MINDY2: variants seen among roughly 807,000 people sequenced by gnomAD.
MINDY2 encodes the protein MINDY lysine 48 deubiquitinase 2.
Under a neutral mutation model 68.2 loss-of-function variants are expected in MINDY2, and 52 were observed. The observed-to-expected ratio is 0.76, with a 90% CI of 0.61 to 0.96. The LOEUF (loss-of-function observed/expected upper bound fraction) is 0.96. Among genes scored for constraint, MINDY2 ranks in the 40% least tolerant of loss-of-function variants. The pLI is 0.00. For synonymous variants in MINDY2, 372 were observed against 303.0 expected (o/e 1.23, Z -2.36); for missense variants, 881 against 773.4 (o/e 1.14, Z -1.65).
In MINDY2 at chr15:58,833,053, A is replaced by C. The variant is rs572783567; in HGVS notation, c.1368+1137A>C. Among the ~76,000 whole-genome samples the C allele has an allele frequency of 2.0e-5, 3 of 152,042 alleles. No individual in the cohort carries two copies. The East Asian group carries it at 5.8e-4, about 29-fold the overall frequency. On this transcript the variant is annotated intron_variant, in intron 6 of 8. Transcript: ENST00000559228. ...CTCTGTCAAAAACATTTACTGTTTT[A>C]CTCTTTTTATCTCTTATAGCCATTC... is the stretch of plus-strand genomic sequence containing the variant.
chr15:58,777,274 G>C (rs759328410), intron 1 of MINDY2, among the ~76,000 whole-genome samples: 6 of 152,190 alleles, frequency 3.9e-5, no homozygotes, highest in Non-Finnish European at 7.4e-5. Context: ...TATAGGGGCA[G>C]AGAATTAGAG....
At chr15:58,807,119 G>A (rs1208785264) in intron 3 of MINDY2, among the ~76,000 whole-genome samples, 2 of 152,048 alleles carry the variant, frequency 1.3e-5, no homozygotes, top group African/African-American at 4.8e-5. Flanking sequence ...TAGTTTTAAT[G>A]TAAGATTTCC....
At chr15:58,798,581 A>G (rs982937424) in intron 2 of MINDY2, among the ~76,000 whole-genome samples, 14 of 149,828 alleles carry the variant, frequency 9.3e-5, no homozygotes, top group Non-Finnish European at 2.1e-4. Context: ...TCAGACTCCC[A>G]AGTAGCTGGG....
At chr15:58,810,863 T>C (rs1364564732) in intron 4 of MINDY2, among the ~76,000 whole-genome samples, 2 of 152,206 alleles carry the variant, frequency 1.3e-5, no homozygotes, top group Non-Finnish European at 2.9e-5. Context: ...CATCATACCC[T>C]CCTGGAACTG....
intron 2 of MINDY2, chr15:58,796,253 T>C (rs1227007946): frequency 1.3e-5 from 5 of 395,480 alleles, no homozygotes; most frequent in African/African-American, 4.1e-5. Flanking sequence ...TTGTAAAGAA[T>C]AGGAAAGGTT....
intron 3 of MINDY2, among the ~76,000 whole-genome samples, chr15:58,807,353 C>CTTTTTTTTTTTTTT: frequency 9.2e-6 from 1 of 109,056 alleles, no homozygotes; most frequent in Non-Finnish European, 1.8e-5. Flanking sequence ...TTAAAATAGT[C>CTTTTTTTTTTTTTT]TTTTTTTTTT....
At chr15:58,850,293 C>T (rs1383217210) in intron 7 of MINDY2, among the ~76,000 whole-genome samples, 1 of 152,126 alleles carries the variant, frequency 6.6e-6, no homozygotes, top group Admixed American at 6.6e-5. Flanking sequence ...CTTTAAAAGT[C>T]ATCTTTTAGA....
In MINDY2 at chr15:58,861,188, T is replaced by C. The variant is rs1219061118; in HGVS notation, c.*6578T>C. 1 of 152,242 alleles carries C rather than the reference T, an allele frequency of 6.6e-6. No individual in the cohort carries two copies. Among genetic ancestry groups the C allele is most frequent in the African/African-American group, 2.4e-5 (1 of 41,466 alleles). 9.4% of individuals were successfully genotyped at this position (152,242 alleles called of 1,614,324 possible). A position where few individuals can be genotyped will look rare whatever the true frequency, so the allele number is the denominator to read the frequency against. On this transcript the variant is annotated 3_prime_UTR_variant, in exon 9 of 9. Coordinates refer to ENST00000559228, the MANE Select transcript of MINDY2 (RefSeq NM_001040450.3). ...GTAGCAAGTGGAATGGTATAATGACTACAGAGAAAATTATCTTGAAATATA... is the reference window on the plus strand; with the variant it reads ...GTAGCAAGTGGAATGGTATAATGACCACAGAGAAAATTATCTTGAAATATA...
At chr15:58,780,438 G>A (rs1901060410) in intron 1 of MINDY2, among the ~76,000 whole-genome samples, 1 of 151,866 alleles carries the variant, frequency 6.6e-6, no homozygotes. Context: ...AGTGCATAAA[G>A]TTTAAATAAC....
At chr15:58,804,949 G>A (rs1328685387) in intron 3 of MINDY2, among the ~76,000 whole-genome samples, 1 of 152,136 alleles carries the variant, frequency 6.6e-6, no homozygotes, top group Non-Finnish European at 1.5e-5. Flanking sequence ...GTGTGATATA[G>A]TAAGACTCCA....
intron 5 of MINDY2, among the ~76,000 whole-genome samples, chr15:58,828,040 C>T (rs2031507827): frequency 6.6e-6 from 1 of 151,784 alleles, no homozygotes; most frequent in East Asian, 2.0e-4. Flanking sequence ...CGAGACCAGC[C>T]TGGCCAACAT....
intron 1 of MINDY2, among the ~76,000 whole-genome samples, chr15:58,787,518 A>G (rs1260263528): frequency 6.6e-6 from 1 of 152,038 alleles, no homozygotes; most frequent in Non-Finnish European, 1.5e-5. Flanking sequence ...CAGGTGGATC[A>G]GAAGGTTAGG....
intron 6 of MINDY2, among the ~76,000 whole-genome samples, chr15:58,845,353 C>G (rs998900755): frequency 6.6e-6 from 1 of 152,072 alleles, no homozygotes; most frequent in Non-Finnish European, 1.5e-5. Flanking sequence ...TTGCAGTGAG[C>G]CAAGGTCACA....
At position 58,831,041 on chromosome 15, in the gene MINDY2, G is replaced by GTGTATATATATA. The variant is rs565786025; in HGVS notation, c.1226-732_1226-731insGTATATATATAT. Among the ~76,000 whole-genome samples, 194 of 124,886 alleles carry GTGTATATATATA rather than the reference G, an allele frequency of 1.6e-3. 1 individual carries two copies. Among genetic ancestry groups the GTGTATATATATA allele is most frequent in the East Asian group, 6.2e-3 (24 of 3,862 alleles). The allele number at this position is 124,886 out of a possible 152,430, so 81.9% of individuals were successfully genotyped here. On this transcript the variant is annotated intron_variant, in intron 5 of 8. Transcript: ENST00000559228. ...TGTGTGTGTGTGTGTGTGTGTGTGTGTATATATATATATATATATGTTTTA... is the reference window on the plus strand; with the variant it reads ...TGTGTGTGTGTGTGTGTGTGTGTGTGTGTATATATATATATATATATATATATATATGTTTTA...
chr15:58,836,853 C>T (rs1267341174), intron 6 of MINDY2, among the ~76,000 whole-genome samples: 2 of 152,040 alleles, frequency 1.3e-5, no homozygotes, highest in Non-Finnish European at 2.9e-5. Flanking sequence ...CTCCTGGGCT[C>T]AAGCAGTCTG....
intron 4 of MINDY2, chr15:58,817,733 AT>A (rs2030788305): frequency 6.7e-6 from 1 of 150,230 alleles, no homozygotes; most frequent in Admixed American, 6.6e-5. Context: ...AAAAACAAAA[AT>A]AAAAAAATAA....
rs1210584832 is a variant in MINDY2 at position 58,803,033 on chromosome 15, C to T, written c.963+656C>T. On this transcript the variant is annotated intron_variant, in intron 3 of 8. Transcript: ENST00000559228. ...GGGAAGAAAGAGACATCGTTGGAAC[C>T]TTCATATTTACTTTCAAAGCAACCT... is the stretch of plus-strand genomic sequence containing the variant. Among the ~76,000 whole-genome samples, 56 of 152,132 alleles carry T rather than the reference C, an allele frequency of 3.7e-4. 1 individual carries two copies. Among genetic ancestry groups the T allele is most frequent in the Admixed American group, 3.7e-3 (56 of 15,258 alleles).
intron 4 of MINDY2, among the ~76,000 whole-genome samples, chr15:58,820,425 C>T (rs375163362): frequency 1.4e-5 from 2 of 144,952 alleles, no homozygotes; most frequent in South Asian, 4.3e-4. Flanking sequence ...GCCTGGGCAA[C>T]AGAGTGAGAC....
At chr15:58,774,760 T>A (rs1312952855) in intron 1 of MINDY2, among the ~76,000 whole-genome samples, 1 of 152,124 alleles carries the variant, frequency 6.6e-6, no homozygotes, top group Non-Finnish European at 1.5e-5. Context: ...TATTGAAAGA[T>A]ACTGAAGCAG....
Sources: allele counts gnomAD v4.1 joint callset (sites outside exome capture counted in the v4.1 genomes callset), GRCh38; gene constraint gnomAD v4.1.1; transcripts MANE v1.5; gene names NCBI Gene and HGNC (gene_info 2026-07-23, HGNC 2026-07-21).